Variants in ZNF146 observed in about 807,000 individuals in gnomAD.
The protein encoded by ZNF146 is zinc finger protein OZF.
In ZNF146, 9 loss-of-function variants were observed where a neutral mutation model predicts 22.2. The observed-to-expected ratio is 0.41, with a 90% CI of 0.24 to 0.71. ZNF146 has a LOEUF of 0.71. ZNF146 is among the 30% of genes least tolerant of loss of function. The pLI, the probability that ZNF146 is intolerant of heterozygous loss-of-function variation, is 0.34. For synonymous variants in ZNF146, 108 were observed against 119.2 expected (o/e 0.91, Z 0.61); for missense variants, 194 against 344.8 (o/e 0.56, Z 3.46).
Position 36,236,876 on chromosome 19 carries a change from C to T in ZNF146, c.436C>T (p.His146Tyr). Residue 146 changes from histidine (H) to tyrosine (Y), a missense_variant, in exon 4 of 4, where the codon CAT becomes TAT. Physicochemically the swap from His to Tyr is moderately conservative, Grantham distance 83 (BLOSUM62 2). Around this residue, in one of 2 missense-constraint regions of ZNF146, gnomAD observed 147 missense variants for 300.1 expected, o/e 0.49. Coordinates refer to ENST00000443387, the MANE Select transcript of ZNF146 (RefSeq NM_007145.3). The part of the protein sequence containing the change: ...TFSGKSNLTE[H>Y]EKIHIGEKPF... Reference sequence around the variant, plus strand: ...CAGTGGCAAATCCAACCTTACTGAGCATGAGAAAATCCATATTGGAGAGAA... The same window carrying T: ...CAGTGGCAAATCCAACCTTACTGAGTATGAGAAAATCCATATTGGAGAGAA... The T allele has an allele frequency of 6.2e-7, 1 of 1,614,118 alleles. No homozygotes were observed. The highest frequency in any genetic ancestry group is 8.5e-7 in the Non-Finnish European group (1 of 1,180,010).
intron 3 of ZNF146, among the ~76,000 whole-genome samples, chr19:36,229,672 T>C (rs1408884807): frequency 6.6e-6 from 1 of 152,220 alleles, no homozygotes; most frequent in Non-Finnish European, 1.5e-5. Flanking sequence ...TATTCTATTA[T>C]GTACATAAGT....
intron 2 of ZNF146, among the ~76,000 whole-genome samples, chr19:36,227,868 A>C (rs1977143519): frequency 1.3e-5 from 2 of 152,154 alleles, no homozygotes; most frequent in Non-Finnish European, 2.9e-5. Flanking sequence ...GACATCTCTA[A>C]TATGAAATAG....
intron 2 of ZNF146, among the ~76,000 whole-genome samples, chr19:36,219,009 C>T (rs778809259): frequency 4.0e-5 from 6 of 151,410 alleles, no homozygotes; most frequent in Non-Finnish European, 7.4e-5. Context: ...GGGATTTCAC[C>T]GTGTTAGCCA....
intron 1 of ZNF146, among the ~76,000 whole-genome samples, chr19:36,217,055 CTTTTTTTTTTTTT>C (rs752632008): frequency 3.9e-4 from 26 of 65,866 alleles, no homozygotes; most frequent in African/African-American, 1.5e-3. Context: ...CAGTCCCTGT[CTTTTTTTTTTTTT>C]TTTTTTTTTT....
chr19:36,234,291 A>G (rs997475356), intron 3 of ZNF146, among the ~76,000 whole-genome samples: 4 of 152,022 alleles, frequency 2.6e-5, no homozygotes, highest in Non-Finnish European at 2.9e-5. Context: ...TTCTTTCTAC[A>G]CAGACACAGT....
Position 36,236,319 on chromosome 19 carries a change from A to C in ZNF146, c.-122A>C, listed in dbSNP as rs1405258242. The C allele has an allele frequency of 1.7e-6, 2 of 1,191,758 alleles. No individual in the cohort carries two copies. Among genetic ancestry groups the C allele is most frequent in the African/African-American group, 3.1e-5 (2 of 64,934 alleles). The allele number at this position is 1,191,758 out of a possible 1,614,324, so 73.8% of individuals were successfully genotyped here. ...CCTTACTCTGCATTTGGGAGATCAT[A>C]CACAGAGAAGCCTTATAAATGTAAG... is the stretch of plus-strand genomic sequence containing the variant. On this transcript the variant is annotated 5_prime_UTR_variant, in exon 4 of 4. Coordinates refer to ENST00000443387, the MANE Select transcript of ZNF146 (RefSeq NM_007145.3).
chr19:36,237,844 G>A lies in ZNF146; in HGVS notation c.*525G>A, dbSNP rs971048760. Reference sequence around the variant, plus strand: ...ATGGAACTATTTTTTTTAAGTGGAGGTAGTTTGTTCTCCAAGGGGGAAAAA... The same window carrying A: ...ATGGAACTATTTTTTTTAAGTGGAGATAGTTTGTTCTCCAAGGGGGAAAAA... On this transcript the variant is annotated 3_prime_UTR_variant, in exon 4 of 4. Coordinates refer to ENST00000443387, the MANE Select transcript of ZNF146 (RefSeq NM_007145.3). 2 of 167,116 alleles carry A rather than the reference G, an allele frequency of 1.2e-5. No individual in the cohort carries two copies. The highest frequency in any genetic ancestry group is 4.8e-5 in the African/African-American group (2 of 41,426). The allele number at this position is 167,116 out of a possible 1,614,324, so 10.4% of individuals were successfully genotyped here. A position where few individuals can be genotyped will look rare whatever the true frequency, so the allele number is the denominator to read the frequency against.
intron 3 of ZNF146, 102 bp from the exon 4 acceptor site, chr19:36,235,557 A>G (rs1306654591): frequency 1.3e-5 from 2 of 152,200 alleles, no homozygotes; most frequent in Admixed American, 1.3e-4. Context: ...AAGTGATAGT[A>G]ATATAAAGGT....
Position 36,236,186 on chromosome 19 carries a change from G to A in ZNF146, c.-255G>A. 2.5e-6 allele frequency: 1 copy of A among 398,914 alleles called. No individual in the cohort carries two copies. Among genetic ancestry groups the A allele is most frequent in the Non-Finnish European group, 4.4e-6 (1 of 225,720 alleles). The allele number at this position is 398,914 out of a possible 1,614,324, so 24.7% of individuals were successfully genotyped here. The stretch of plus-strand genomic sequence containing the variant: ...ATTGAGAAGCAGAAAATTCATGCTG[G>A]AGAGAAACTAGTGAAGGTAGCAATA... On this transcript the variant is annotated 5_prime_UTR_variant, in exon 4 of 4. Coordinates refer to ENST00000443387, the MANE Select transcript of ZNF146 (RefSeq NM_007145.3).
intron 1 of ZNF146, among the ~76,000 whole-genome samples, chr19:36,216,023 T>C (rs1354198507): frequency 6.6e-6 from 1 of 152,138 alleles, no homozygotes; most frequent in Non-Finnish European, 1.5e-5. Flanking sequence ...CAAAGATGCG[T>C]TTTCTAAGGA....
chr19:36,218,861 T>C (rs1599957182), intron 2 of ZNF146, among the ~76,000 whole-genome samples: 1 of 150,730 alleles, frequency 6.6e-6, no homozygotes, highest in Admixed American at 6.6e-5. Context: ...CAGGCTGGAG[T>C]GCAGTGGTGC....
intron 2 of ZNF146, among the ~76,000 whole-genome samples, chr19:36,227,563 G>C (rs1035212054): frequency 6.6e-6 from 1 of 151,830 alleles, no homozygotes; most frequent in African/African-American, 2.4e-5. Context: ...AATGTTTTTT[G>C]AACTAATGGA....
intron 2 of ZNF146, among the ~76,000 whole-genome samples, chr19:36,221,227 A>G (rs1043606744): frequency 2.0e-5 from 3 of 147,138 alleles, no homozygotes; most frequent in Non-Finnish European, 3.0e-5. Context: ...CTGAGGAATT[A>G]TGTTACTAAA....
At chr19:36,217,713 C>G (rs895577142) in intron 1 of ZNF146, among the ~76,000 whole-genome samples, 2 of 151,846 alleles carry the variant, frequency 1.3e-5, no homozygotes, top group Admixed American at 6.6e-5. Flanking sequence ...GGAGAAACCC[C>G]GTCTCTACTA....
rs55668684 is a variant in ZNF146 at position 36,222,778 on chromosome 19, C to CT, written c.-855+4602dup. Among the ~76,000 whole-genome samples the CT allele has an allele frequency of 7.8e-3, 788 of 100,838 alleles. 10 individuals are homozygous for CT. The highest frequency in any genetic ancestry group is 0.016 in the East Asian group (58 of 3,690). The allele number at this position is 100,838 out of a possible 152,430, so 66.2% of individuals were successfully genotyped here. The stretch of plus-strand genomic sequence containing the variant: ...TAGCCCTGTATGAAATGAGTGGTGG[C>CT]TTTTTTTTTTTTTTTTTTTGAAGTT... On this transcript the variant is annotated intron_variant, in intron 2 of 3. Transcript: ENST00000443387.
chr19:36,227,389 C>CA (rs35503795), intron 2 of ZNF146, among the ~76,000 whole-genome samples: 11,601 of 106,628 alleles, frequency 0.11, 598 homozygotes, highest in South Asian at 0.2. Flanking sequence ...GTCTCTGTCA[C>CA]AAAAAAAAAA....
intron 2 of ZNF146, among the ~76,000 whole-genome samples, chr19:36,226,209 C>G (rs7251745): frequency 0.26 from 39,425 of 152,112 alleles, 5,522 homozygotes; most frequent in African/African-American, 0.37. Context: ...TGCATGTGTT[C>G]AGAAACCTAC....
chr19:36,221,062 A>T (rs1182749925), intron 2 of ZNF146, among the ~76,000 whole-genome samples: 1 of 151,616 alleles, frequency 6.6e-6, no homozygotes, highest in Admixed American at 6.6e-5. Context: ...CATGTTGGCC[A>T]GGCTGGTCTC....
chr19:36,238,509 A>T lies in ZNF146; in HGVS notation c.*1190A>T, dbSNP rs1977729197. 6.0e-6 allele frequency: 1 copy of T among 167,000 alleles called. No homozygotes were observed. The highest frequency in any genetic ancestry group is 6.5e-5 in the Admixed American group (1 of 15,272). 10.3% of individuals were successfully genotyped at this position (167,000 alleles called of 1,614,324 possible). A position where few individuals can be genotyped will look rare whatever the true frequency, so the allele number is the denominator to read the frequency against. On this transcript the variant is annotated 3_prime_UTR_variant, in exon 4 of 4. Transcript: ENST00000443387. ...AGTAAATATAAGAAGATACTGATTG[A>T]TTCTGGATTGTGGTATAGGGATATC...
Sources: allele counts gnomAD v4.1 joint callset (sites outside exome capture counted in the v4.1 genomes callset), GRCh38; gene constraint gnomAD v4.1.1; regional missense constraint gnomAD v4.1.1; transcripts MANE v1.5; gene names NCBI Gene and HGNC (gene_info 2026-07-23, HGNC 2026-07-21).